EPHA7: variants seen among roughly 807,000 people sequenced by gnomAD.
EPHA7 encodes the protein EPH receptor A7, also known as ephrin type-A receptor 7.
EPHA7 carries 25 observed loss-of-function variants against 112.6 expected under a neutral mutation model. The observed-to-expected ratio is 0.22, with a 90% CI of 0.16 to 0.31. EPHA7 has a LOEUF of 0.31. Among genes scored for constraint, EPHA7 ranks in the 10% least tolerant of loss-of-function variants. The pLI is 1.00. For synonymous variants in EPHA7, 437 were observed against 406.5 expected (o/e 1.07, Z -0.90); for missense variants, 962 against 1,212.6 (o/e 0.79, Z 3.07).
In EPHA7 at chr6:93,410,645, C is replaced by T. The variant is rs1050292701; in HGVS notation, c.688G>A (p.Val230Ile). ...TGSEFSSLVE[V>I]RGTCVSSAEE... ...GCACTGCTGACACATGTCCCTCGAA[C>T]CTCGACTAAAGAGGAAAATTCTGAA... The change falls in exon 3 of 17, where the codon GTT becomes ATT. Residue 230 changes from valine (V) to isoleucine (I), a missense_variant. Around this residue, in one of 3 missense-constraint regions of EPHA7, gnomAD observed 160 missense variants for 263.6 expected, o/e 0.61. Transcript: ENST00000369303. The surrounding 1 kb of genome is among the most constrained non-coding windows in gnomAD (Gnocchi z 4.0). The T allele has an allele frequency of 1.2e-6, 2 of 1,613,892 alleles. No individual in the cohort carries two copies. Among genetic ancestry groups the T allele is most frequent in the Non-Finnish European group, 1.7e-6 (2 of 1,179,958 alleles).
intron 5 of EPHA7, among the ~76,000 whole-genome samples, chr6:93,347,365 T>A (rs1477719018): frequency 1.3e-5 from 2 of 151,796 alleles, no homozygotes; most frequent in Non-Finnish European, 2.9e-5. Flanking sequence ...ACATTGAAAA[T>A]AAAACATTAC....
At position 93,240,432 on chromosome 6, in the gene EPHA7, A is replaced by C. The variant is rs1358719301; in HGVS notation, c.*2994T>G. The C allele has an allele frequency of 4.6e-6, 1 of 218,882 alleles. No homozygotes were observed. Among genetic ancestry groups the C allele is most frequent in the Non-Finnish European group, 9.2e-6 (1 of 109,084 alleles). The allele number at this position is 218,882 out of a possible 1,614,324, so 13.6% of individuals were successfully genotyped here. On this transcript the variant is annotated 3_prime_UTR_variant, in exon 17 of 17. Transcript: ENST00000369303. ...AGAAGAGCAATTAAAATATAGTCCT[A>C]AACAGTACTAGCTAATGTAGATTAC...
intron 5 of EPHA7, among the ~76,000 whole-genome samples, chr6:93,287,534 T>G (rs1390538650): frequency 1.3e-5 from 2 of 151,964 alleles, no homozygotes; most frequent in Admixed American, 6.6e-5. Flanking sequence ...TCTTTTTTTT[T>G]TTTTAACTTT....
At chr6:93,415,639 T>A (rs1433422191) in intron 1 of EPHA7, among the ~76,000 whole-genome samples, 1 of 152,124 alleles carries the variant, frequency 6.6e-6, no homozygotes, top group African/African-American at 2.4e-5. Flanking sequence ...AAGCACTCAC[T>A]CTTTTGGTCA....
At chr6:93,293,532 A>G (rs1262388711) in intron 5 of EPHA7, among the ~76,000 whole-genome samples, 2 of 152,188 alleles carry the variant, frequency 1.3e-5, no homozygotes, top group Admixed American at 6.5e-5. Flanking sequence ...GACATTTGAA[A>G]GAAAATATCG....
chr6:93,373,157 T>G (rs540456822), intron 3 of EPHA7, among the ~76,000 whole-genome samples: 1 of 151,948 alleles, frequency 6.6e-6, no homozygotes, highest in Non-Finnish European at 1.5e-5. Context: ...ATTATAGTAA[T>G]ATATCTTTGG....
intron 5 of EPHA7, among the ~76,000 whole-genome samples, chr6:93,324,927 T>A (rs1274279228): frequency 6.6e-6 from 1 of 151,428 alleles, no homozygotes; most frequent in Non-Finnish European, 1.5e-5. Flanking sequence ...AAGCCTTTTA[T>A]TGATAGATTT....
At position 93,286,487 on chromosome 6, in the gene EPHA7, T is replaced by C. The variant is rs552973499; in HGVS notation, c.1325-14065A>G. ...ATATGGTAAATAAGAAGAAAGAAGATATTAGGGAGAAAACTAGCAGTGTCT... is the reference window on the plus strand; with the variant it reads ...ATATGGTAAATAAGAAGAAAGAAGACATTAGGGAGAAAACTAGCAGTGTCT... On this transcript the variant is annotated intron_variant, in intron 5 of 16. Transcript: ENST00000369303. Among the ~76,000 whole-genome samples, 11 of 152,152 alleles carry C rather than the reference T, an allele frequency of 7.2e-5. No individual in the cohort carries two copies. In the East Asian group the frequency reaches 2.1e-3, roughly 29 times the overall value.
At chr6:93,367,454 G>A (rs1478960195) in intron 3 of EPHA7, among the ~76,000 whole-genome samples, 2 of 152,096 alleles carry the variant, frequency 1.3e-5, no homozygotes, top group Non-Finnish European at 2.9e-5. Context: ...CCCTTTTTAA[G>A]TAACATTACA....
intron 3 of EPHA7, among the ~76,000 whole-genome samples, chr6:93,366,909 T>C (rs1776543308): frequency 6.6e-6 from 1 of 151,530 alleles, no homozygotes; most frequent in African/African-American, 2.4e-5. Context: ...TCCTCATAGG[T>C]TTACTCTGAG....
At chr6:93,359,890 T>G (rs1227820284) in intron 3 of EPHA7, among the ~76,000 whole-genome samples, 51 of 135,194 alleles carry the variant, frequency 3.8e-4, no homozygotes, top group Admixed American at 8.0e-4. Flanking sequence ...GATAGATAGA[T>G]AGATAGATAG....
intron 3 of EPHA7, among the ~76,000 whole-genome samples, chr6:93,363,756 C>T (rs969447054): frequency 1.3e-5 from 2 of 152,152 alleles, no homozygotes; most frequent in Non-Finnish European, 2.9e-5. Flanking sequence ...ACACAAAAAC[C>T]TGTACATTAA....
At chr6:93,252,517 C>A (rs1484670585) in intron 14 of EPHA7, among the ~76,000 whole-genome samples, 2 of 151,850 alleles carry the variant, frequency 1.3e-5, no homozygotes, top group Non-Finnish European at 2.9e-5. Flanking sequence ...TAAGTCTCTC[C>A]ATGAACTCCT....
intron 4 of EPHA7, among the ~76,000 whole-genome samples, chr6:93,357,274 T>A (rs1775996620): frequency 1.3e-5 from 2 of 152,194 alleles, no homozygotes; most frequent in Admixed American, 1.3e-4. Context: ...TTTATTTATT[T>A]TCCTTTTAAT....
chr6:93,339,679 G>T (rs1288978654), intron 5 of EPHA7, among the ~76,000 whole-genome samples: 3 of 151,612 alleles, frequency 2.0e-5, no homozygotes, highest in Admixed American at 6.6e-5. Context: ...TTATTACATA[G>T]AAACTGATTT....
chr6:93,317,557 T>A (rs924588172), intron 5 of EPHA7, among the ~76,000 whole-genome samples: 12 of 152,210 alleles, frequency 7.9e-5, no homozygotes, highest in African/African-American at 2.9e-4. Context: ...AATTTTCTTT[T>A]TAATGAGGCC....
chr6:93,284,817 A>G (rs1237619378), intron 5 of EPHA7, among the ~76,000 whole-genome samples: 1 of 127,622 alleles, frequency 7.8e-6, no homozygotes, highest in Non-Finnish European at 1.6e-5. Flanking sequence ...GGACACAGGG[A>G]GGGGAACATC....
intron 15 of EPHA7, among the ~76,000 whole-genome samples, chr6:93,245,882 C>T (rs1422729739): frequency 3.9e-5 from 6 of 152,126 alleles, no homozygotes; most frequent in Non-Finnish European, 7.3e-5. Context: ...AGTTAGAACA[C>T]CTCCACAGGT....
chr6:93,271,228 T>C (rs1435575455), intron 6 of EPHA7, among the ~76,000 whole-genome samples: 1 of 151,812 alleles, frequency 6.6e-6, no homozygotes, highest in Non-Finnish European at 1.5e-5. Context: ...AGCAAAAATA[T>C]TTTAAACTTA....
Sources: allele counts gnomAD v4.1 joint callset (sites outside exome capture counted in the v4.1 genomes callset), GRCh38; gene constraint gnomAD v4.1.1; regional missense constraint gnomAD v4.1.1; non-coding constraint Gnocchi (gnomAD v3.1); transcripts MANE v1.5; gene names NCBI Gene and HGNC (gene_info 2026-07-23, HGNC 2026-07-21).